Variants in SGSM3 observed in about 807,000 individuals in gnomAD.
SGSM3 encodes small G protein signaling modulator 3, also known as RUN and SH3 containing 3.
In SGSM3, 96 loss-of-function variants were observed where a neutral mutation model predicts 100.5. The observed-to-expected ratio is 0.96, with a 90% CI of 0.81 to 1.13. The LOEUF (loss-of-function observed/expected upper bound fraction) is 1.13. Ranked by LOEUF, SGSM3 falls within the 50% of genes most tolerant of loss-of-function variation. SGSM3 has a pLI of 0.00. For synonymous variants in SGSM3, 483 were observed against 422.8 expected (o/e 1.14, Z -1.75); for missense variants, 1,001 against 1,015.8 (o/e 0.99, Z 0.20).
intron 2 of SGSM3, among the ~76,000 whole-genome samples, chr22:40,401,392 C>T (rs2050740227): frequency 6.6e-6 from 1 of 152,206 alleles, no homozygotes; most frequent in Non-Finnish European, 1.5e-5. Flanking sequence ...GGATTACAGG[C>T]ATGTGCCACC....
chr22:40,377,212 C>T (rs1262551214), intron 1 of SGSM3, among the ~76,000 whole-genome samples: 1 of 152,200 alleles, frequency 6.6e-6, no homozygotes, highest in East Asian at 1.9e-4. Context: ...AGGTGGTAGG[C>T]ACATGGCCCA....
Position 40,408,821 on chromosome 22 carries a change from C to G in SGSM3, c.1881C>G (p.Thr627=). The part of the protein sequence containing the change: ...FRLDEDGKVL[T]PEELLYRAVQ... The stretch of plus-strand genomic sequence containing the variant: ...TGGATGAAGATGGCAAAGTCCTGAC[C>G]CCGGAGGAGCTGCTCTACCGGGTAA... Residue 627 remains threonine (T), a synonymous_variant, in exon 18 of 22, where the codon ACC becomes ACG. Coordinates refer to ENST00000248929, the MANE Select transcript of SGSM3 (RefSeq NM_015705.6). The G allele has an allele frequency of 6.2e-7, 1 of 1,613,746 alleles. No individual in the cohort carries two copies. Among genetic ancestry groups the G allele is most frequent in the Non-Finnish European group, 8.5e-7 (1 of 1,180,016 alleles).
chr22:40,381,028 TTTTAGCATGATAATGG>T (rs1299282127), intron 1 of SGSM3, among the ~76,000 whole-genome samples: 1 of 152,174 alleles, frequency 6.6e-6, no homozygotes, highest in African/African-American at 2.4e-5. Flanking sequence ...ATAAGCAATG[TTTTAGCATGATAATGG>T]TTTAGCATGA....
intron 21 of SGSM3, 67 bp from the exon 22 acceptor site, chr22:40,409,615 G>A (rs1602165394): frequency 1.2e-6 from 2 of 1,613,610 alleles, no homozygotes; most frequent in South Asian, 1.1e-5. Context: ...AAGTGCTGGT[G>A]TCAGCGGTTA....
rs1324693809 is a variant in SGSM3 at position 40,404,562 on chromosome 22, G to A, written c.372G>A (p.Trp124Ter). Reference protein sequence around the residue: ...GIPHGMRPQLWMRLSGALQKK... With the variant: ...GIPHGMRPQL ...TTGCGGCTCCCTTCCCTCAGCTGTG[G>A]ATGCGGCTCTCTGGGGCCCTGCAGA... Residue 124 changes from tryptophan (W) to a stop codon, truncating the protein, a stop_gained, in exon 6 of 22, where the codon TGG becomes TGA. Coordinates refer to ENST00000248929, the MANE Select transcript of SGSM3 (RefSeq NM_015705.6). LOFTEE classifies it high-confidence loss of function. 6.2e-7 allele frequency: 1 copy of A among 1,613,752 alleles called. No individual in the cohort carries two copies. The highest frequency in any genetic ancestry group is 8.5e-7 in the Non-Finnish European group (1 of 1,179,822).
At chr22:40,402,390 T>C (rs1377944580) in intron 4 of SGSM3, among the ~76,000 whole-genome samples, 185 bp downstream of exon 4, 1 of 152,216 alleles carries the variant, frequency 6.6e-6, no homozygotes, top group Non-Finnish European at 1.5e-5. Context: ...TTTTTTGAGA[T>C]AAATTTTACT....
At chr22:40,374,613 C>T (rs780909088) in intron 1 of SGSM3, among the ~76,000 whole-genome samples, 7 of 152,200 alleles carry the variant, frequency 4.6e-5, no homozygotes, top group African/African-American at 7.2e-5. Flanking sequence ...CCCAGTACGG[C>T]GGCTCACGCC....
Position 40,408,919 on chromosome 22 carries a change from G to A in SGSM3, c.1903-14G>A, listed in dbSNP as rs369065817. 86 of 1,613,550 alleles carry A rather than the reference G, an allele frequency of 5.3e-5. No homozygotes were observed. Among genetic ancestry groups the A allele is most frequent in the South Asian group, 4.4e-5 (4 of 91,056 alleles). ...TGGGGGAGCCTGAGTGACAGCTGAC[G>A]GTGCCGTTCCCAGGCTGTGCAGTCT... On this transcript the variant is annotated splice_polypyrimidine_tract_variant and intron_variant, in intron 18 of 21. Transcript: ENST00000248929.
intron 21 of SGSM3, 49 bp from the exon 22 acceptor site, chr22:40,409,633 C>A (rs780416550): frequency 1.9e-6 from 3 of 1,613,354 alleles, no homozygotes; most frequent in East Asian, 2.2e-5. Flanking sequence ...TTAGGAACTA[C>A]CCCAGCCATG....
Position 40,405,716 on chromosome 22 carries a change from A to G in SGSM3, c.686A>G (p.Glu229Gly). Residue 229 changes from glutamate to glycine, a missense_variant, in exon 8 of 22, where the codon GAG becomes GGG. Transcript: ENST00000248929. Reference sequence around the variant, plus strand: ...TTCTGGATGATGTCTGCCATCATCGAGGACCTGCTCCCCGCCTCCTACTTC... The same window carrying G: ...TTCTGGATGATGTCTGCCATCATCGGGGACCTGCTCCCCGCCTCCTACTTC... ...DAFWMMSAIIEDLLPASYFST... is the reference protein window; with the variant it reads ...DAFWMMSAIIGDLLPASYFST... 6.2e-7 allele frequency: 1 copy of G among 1,613,854 alleles called. No individual in the cohort carries two copies.
At position 40,408,612 on chromosome 22, in the gene SGSM3, G is replaced by C. The variant is rs186517794; in HGVS notation, c.1783-15G>C. On this transcript the variant is annotated splice_polypyrimidine_tract_variant and intron_variant, in intron 16 of 21. Transcript: ENST00000248929. Reference sequence around the variant, plus strand: ...CTTCCTGTCCCTGCACTCACACCGTGTGCTGTCCCCACAGGCTGCAGGCCG... The same window carrying C: ...CTTCCTGTCCCTGCACTCACACCGTCTGCTGTCCCCACAGGCTGCAGGCCG... 7 of 1,613,674 alleles carry C rather than the reference G, an allele frequency of 4.3e-6. No homozygotes were observed. The African/African-American group carries it at 6.7e-5, about 15-fold the overall frequency.
intron 1 of SGSM3, among the ~76,000 whole-genome samples, chr22:40,384,372 C>G (rs528060486): frequency 6.6e-6 from 1 of 152,246 alleles, no homozygotes; most frequent in South Asian, 2.1e-4. Flanking sequence ...TAGATTTATT[C>G]AGGAAACACA....
intron 4 of SGSM3, among the ~76,000 whole-genome samples, chr22:40,403,781 G>A (rs1017176667): frequency 3.9e-5 from 6 of 152,318 alleles, no homozygotes; most frequent in African/African-American, 1.4e-4. Context: ...AACAGCCTTT[G>A]GGAGGTGAGG....
In SGSM3 at chr22:40,404,360, GA is replaced by G; in HGVS notation, c.272del (p.Asp91ValfsTer29). 1 of 1,606,606 alleles carries G rather than the reference GA, an allele frequency of 6.2e-7. No homozygotes were observed. Among genetic ancestry groups the G allele is most frequent in the African/African-American group, 1.3e-5 (1 of 74,948 alleles). On this transcript the variant is annotated frameshift_variant, in exon 5 of 22. Transcript: ENST00000248929. LOFTEE classifies it high-confidence loss of function. ...GTTCACCCATAACCACGATGTGGGG[GA>G]TCTCACCTGGGACAAGATTGCCGTC... ...LEFTHNHDVG[D>X]LTWDKIAVSL...
intron 1 of SGSM3, among the ~76,000 whole-genome samples, chr22:40,377,424 ACTACATATCCTT>A (rs2046818330): frequency 6.6e-6 from 1 of 152,184 alleles, no homozygotes; most frequent in Admixed American, 6.5e-5. Context: ...TTTATGTCCT[ACTACATATCCTT>A]CCAATACATT....
intron 1 of SGSM3, among the ~76,000 whole-genome samples, chr22:40,389,442 A>G (rs1187877948): frequency 1.3e-5 from 2 of 150,824 alleles, no homozygotes; most frequent in Non-Finnish European, 3.0e-5. Flanking sequence ...TACTAAAAAT[A>G]CAAAAAATTA....
chr22:40,406,720 C>CT, intron 10 of SGSM3, 58 bp downstream of exon 10: 1 of 1,439,602 alleles, frequency 6.9e-7, no homozygotes, highest in Non-Finnish European at 9.6e-7. Context: ...GAGGGGTCAC[C>CT]TTGAAGTTCA....
intron 1 of SGSM3, among the ~76,000 whole-genome samples, chr22:40,399,904 GC>G (rs1651819654): frequency 6.6e-6 from 1 of 152,220 alleles, no homozygotes; most frequent in South Asian, 2.1e-4. Flanking sequence ...ACTTGGCTTG[GC>G]CAGTGTGTGT....
In SGSM3 at chr22:40,407,152, C is replaced by T. The variant is rs532879049; in HGVS notation, c.1241-49C>T. The T allele has an allele frequency of 1.4e-5, 22 of 1,612,358 alleles. No individual in the cohort carries two copies. The highest frequency in any genetic ancestry group is 6.7e-5 in the African/African-American group (5 of 75,000). On this transcript the variant is annotated intron_variant, in intron 11 of 21. Coordinates refer to ENST00000248929, the MANE Select transcript of SGSM3 (RefSeq NM_015705.6). The surrounding 1 kb of genome is among the most constrained non-coding windows in gnomAD (Gnocchi z 4.7). ...TCATGTGGACGTGGAGCTTCCTCCT[C>T]GGGGGCCTGGAGTGGGCTGTGGTCA...
Sources: allele counts gnomAD v4.1 joint callset (sites outside exome capture counted in the v4.1 genomes callset), GRCh38; gene constraint gnomAD v4.1.1; non-coding constraint Gnocchi (gnomAD v3.1); transcripts MANE v1.5; gene names NCBI Gene and HGNC (gene_info 2026-07-23, HGNC 2026-07-21).